The following NOP56 variants were observed in gnomAD, a reference collection of about 807,000 sequenced individuals.
NOP56 encodes the protein nucleolar protein 56.
A neutral mutation model predicts 58.3 loss-of-function variants in NOP56; 31 were observed. That is an observed-to-expected ratio of 0.53 (90% CI 0.40 to 0.72). The LOEUF (loss-of-function observed/expected upper bound fraction) is 0.72, where lower values mean the gene tolerates loss of function less well. Among genes scored for constraint, NOP56 ranks in the 30% least tolerant of loss-of-function variants. NOP56 has a pLI of 0.00. For missense variants in NOP56, 669 were observed against 739.9 expected, an observed-to-expected ratio of 0.90 and a Z score of 1.11; for synonymous variants, 313 against 282.8, an observed-to-expected ratio of 1.11 and a Z score of -1.07.
chr20:2,654,309 G>A (rs146023723), intron 3 of NOP56, 105 bp from the exon 4 acceptor site: 5 of 1,139,694 alleles, frequency 4.4e-6, no homozygotes. Context: ...AGGGATCTAG[G>A]TATGCCATCC....
intron 7 of NOP56, 59 bp downstream of exon 7, chr20:2,655,805 C>T (rs2086809228): frequency 6.2e-7 from 1 of 1,612,728 alleles, no homozygotes; most frequent in South Asian, 1.1e-5. Context: ...TGCACCTGCA[C>T]TGCTGTATTT....
chr20:2,652,744 T>TGGGCCTGGGCCC lies in NOP56; in HGVS notation c.4-87_4-86insCGGGCCTGGGCC, dbSNP rs1555779366. 2,748 of 1,522,296 alleles carry TGGGCCTGGGCCC rather than the reference T, an allele frequency of 1.8e-3. 40 individuals carry two copies. The African/African-American group carries it at 0.032, about 18-fold the overall frequency. The allele number at this position is 1,522,296 out of a possible 1,614,324, so 94.3% of individuals were successfully genotyped here. On this transcript the variant is annotated intron_variant, in intron 1 of 11. Coordinates refer to ENST00000329276, the MANE Select transcript of NOP56 (RefSeq NM_006392.4). ...TCGGGCCGCAGACAGGGCCTGGGCCTGGGCCTGGGCCTGCGCCTGCGCCTG... is the reference window on the plus strand; with the variant it reads ...TCGGGCCGCAGACAGGGCCTGGGCCTGGGCCTGGGCCCGGGCCTGGGCCTGCGCCTGCGCCTG...
chr20:2,658,286 G>A lies in NOP56; in HGVS notation c.1777G>A (p.Glu593Lys), dbSNP rs151092895. The change falls in exon 12 of 12, where the codon GAA becomes AAA. Residue 593 changes from glutamate (E) to lysine (K), a missense_variant. Transcript: ENST00000329276. ...KKKKFHKASQED is the reference protein window; with the variant it reads ...KKKKFHKASQKD Reference sequence around the variant, plus strand: ...GAAAAAGTTCCATAAAGCATCCCAGGAAGATTAGAATGCAAATGGACATTC... The same window carrying A: ...GAAAAAGTTCCATAAAGCATCCCAGAAAGATTAGAATGCAAATGGACATTC... The A allele has an allele frequency of 6.3e-7, 1 of 1,596,434 alleles. No individual in the cohort carries two copies. The highest frequency in any genetic ancestry group is 8.5e-7 in the Non-Finnish European group (1 of 1,171,514).
Position 2,658,211 on chromosome 20 carries a change from G to A in NOP56, c.1702G>A (p.Val568Ile). The A allele has an allele frequency of 1.3e-5, 21 of 1,605,278 alleles. No homozygotes were observed. The highest frequency in any genetic ancestry group is 1.8e-5 in the Non-Finnish European group (21 of 1,175,700). ...GAGGAAATTCTCCAAAGAGGAGCCG[G>A]TCAGCAGTGGGCCTGAAGAGGCGGT... The part of the protein sequence containing the change: ...KKRKFSKEEP[V>I]SSGPEEAVGK... Residue 568 changes from valine to isoleucine, a missense_variant, in exon 12 of 12, where the codon GTC becomes ATC. Physicochemically the swap from Val to Ile is conservative, Grantham distance 29. Around this residue, in one of 3 missense-constraint regions of NOP56, gnomAD observed 209 missense variants for 196.2 expected, o/e 1.07. Coordinates refer to ENST00000329276, the MANE Select transcript of NOP56 (RefSeq NM_006392.4).
chr20:2,656,121 C>G (rs1235550067), intron 8 of NOP56, 87 bp downstream of exon 8: 13 of 1,612,596 alleles, frequency 8.1e-6, no homozygotes, highest in Non-Finnish European at 1.1e-5. Flanking sequence ...CTGACCAGGG[C>G]TCCCTGACCT....
At position 2,654,849 on chromosome 20, in the gene NOP56, T is replaced by A. The variant is rs766501347; in HGVS notation, c.471T>A (p.Val157=). ...GACACAGCTATTCCCGTGCCAAAGTTAAGTTTAATGTGAACCGGGTGGACA... is the reference window on the plus strand; with the variant it reads ...GACACAGCTATTCCCGTGCCAAAGTAAAGTTTAATGTGAACCGGGTGGACA... ...GLGHSYSRAK[V]KFNVNRVDNM... is the part of the protein sequence containing the mutation. The change falls in exon 5 of 12, where the codon GTT becomes GTA. Residue 157 remains valine, a synonymous_variant. Transcript: ENST00000329276. 8 of 1,613,954 alleles carry A rather than the reference T, an allele frequency of 5.0e-6. No homozygotes were observed. The highest frequency in any genetic ancestry group is 1.3e-5 in the African/African-American group (1 of 74,852).
In NOP56 at chr20:2,656,914, G is replaced by A. The variant is rs1341494335; in HGVS notation, c.1281+19G>A. 6.2e-7 allele frequency: 1 copy of A among 1,614,092 alleles called. No individual in the cohort carries two copies. The highest frequency in any genetic ancestry group is 1.3e-5 in the African/African-American group (1 of 75,028). The stretch of plus-strand genomic sequence containing the variant: ...GGTTCAGGTCAGTTGGGCTTTGCTG[G>A]GTGTGGAGTGGCATAGCTAGCTGTT... On this transcript the variant is annotated intron_variant, in intron 10 of 11. Coordinates refer to ENST00000329276, the MANE Select transcript of NOP56 (RefSeq NM_006392.4).
At chr20:2,652,756 T>TGG (rs756532702) in intron 1 of NOP56, 86 bp from the exon 2 acceptor site, 251 of 508,904 alleles carry the variant, frequency 4.9e-4, no homozygotes, top group South Asian at 2.8e-3. Context: ...GGCCTGGGCC[T>TGG]GCGCCTGCGC....
intron 8 of NOP56, 182 bp from the exon 9 acceptor site, chr20:2,656,219 G>A (rs2086815195): frequency 3.7e-6 from 6 of 1,604,634 alleles, no homozygotes; most frequent in Non-Finnish European, 5.1e-6. Flanking sequence ...TTCCAGGTCA[G>A]CGACATTGGA....
In NOP56 at chr20:2,654,579, A is replaced by G. The variant is rs2086793113; in HGVS notation, c.370+4A>G. ...GTCATAGCTGAGATCCTGCGAGGTG[A>G]GACCATCATCTGTTATATTCCTGTT... On this transcript the variant is annotated splice_donor_region_variant and intron_variant, in intron 4 of 11. Transcript: ENST00000329276. 6.2e-7 allele frequency: 1 copy of G among 1,613,986 alleles called. No individual in the cohort carries two copies. The highest frequency in any genetic ancestry group is 1.3e-5 in the African/African-American group (1 of 74,932).
In NOP56 at chr20:2,654,669, C is replaced by A. The variant is rs1277630224; in HGVS notation, c.371-80C>A. ...TTGCTTGTTGTGATTTCTGGGAAGG[C>A]CTTCAGGCTGGGCTGGTGCCCGTGG... On this transcript the variant is annotated intron_variant, in intron 4 of 11. Coordinates refer to ENST00000329276, the MANE Select transcript of NOP56 (RefSeq NM_006392.4). 3 of 1,604,252 alleles carry A rather than the reference C, an allele frequency of 1.9e-6. No homozygotes were observed. The African/African-American group carries it at 4.0e-5, about 21-fold the overall frequency.
chr20:2,653,386 G>A lies in NOP56; in HGVS notation c.201G>A (p.Val67=). The part of the protein sequence containing the change: ...SQVALENANA[V]SEGVVHEDLR... Reference sequence around the variant, plus strand: ...TTGCCTTGGAAAATGCCAACGCCGTGTCTGAAGGTAAGTCGGCCACCGCCA... The same window carrying A: ...TTGCCTTGGAAAATGCCAACGCCGTATCTGAAGGTAAGTCGGCCACCGCCA... The change falls in exon 3 of 12, where the codon GTG becomes GTA. Residue 67 remains valine, a synonymous_variant. Coordinates refer to ENST00000329276, the MANE Select transcript of NOP56 (RefSeq NM_006392.4). 1 of 1,613,816 alleles carries A rather than the reference G, an allele frequency of 6.2e-7. No homozygotes were observed. The highest frequency in any genetic ancestry group is 1.3e-5 in the African/African-American group (1 of 75,044).
At chr20:2,652,686 G>T in intron 1 of NOP56, 23 bp downstream of exon 1, 2 of 1,387,196 alleles carry the variant, frequency 1.4e-6, no homozygotes, top group East Asian at 3.1e-5. Flanking sequence ...TGCGGGGCGC[G>T]GGCGACGCGA....
Position 2,652,942 on chromosome 20 carries a change from T to C in NOP56, c.93+11T>C. On this transcript the variant is annotated intron_variant, in intron 2 of 11. Transcript: ENST00000329276. Reference sequence around the variant, plus strand: ...CTGCTGCAGCCGCAGGTGGGTGAGATCCGTGGGCTCCTTTGGCGGCCCCGC... The same window carrying C: ...CTGCTGCAGCCGCAGGTGGGTGAGACCCGTGGGCTCCTTTGGCGGCCCCGC... 6.3e-7 allele frequency: 1 copy of C among 1,585,404 alleles called. No homozygotes were observed. The highest frequency in any genetic ancestry group is 8.6e-7 in the Non-Finnish European group (1 of 1,163,510).
chr20:2,656,073 T>C, intron 8 of NOP56, 39 bp downstream of exon 8: 1 of 1,613,958 alleles, frequency 6.2e-7, no homozygotes, highest in Non-Finnish European at 8.5e-7. Context: ...AGGTGCCACT[T>C]CTGGTGCCCA....
At chr20:2,654,229 G>C (rs550837953) in intron 3 of NOP56, 185 bp from the exon 4 acceptor site, 1 of 777,462 alleles carries the variant, frequency 1.3e-6, no homozygotes, top group Non-Finnish European at 2.3e-6. Context: ...GATGACTTGC[G>C]AATCAAATCT....
rs975960426 is a variant in NOP56, at chr20:2,655,867, G to C, written c.910-67G>C. On this transcript the variant is annotated intron_variant, in intron 7 of 11. Coordinates refer to ENST00000329276, the MANE Select transcript of NOP56 (RefSeq NM_006392.4). ...GTGCTTGATGGGGAGGTGGGGAGCA[G>C]GGCTGTCGTGCAACTGGGCAGGTCA... The C allele has an allele frequency of 2.0e-5, 32 of 1,610,510 alleles. No homozygotes were observed. In the Admixed American group the frequency reaches 5.0e-4, roughly 25 times the overall value.
chr20:2,656,291 G>A (rs1246856882), intron 8 of NOP56, 110 bp from the exon 9 acceptor site: 2 of 1,603,478 alleles, frequency 1.2e-6, no homozygotes, highest in African/African-American at 2.7e-5. Flanking sequence ...ATCCAATCTG[G>A]CCTGAGGCTC....
At position 2,654,553 on chromosome 20, in the gene NOP56, A is replaced by G; in HGVS notation, c.348A>G (p.Gly116=). The G allele has an allele frequency of 6.2e-7, 1 of 1,614,124 alleles. No homozygotes were observed. The highest frequency in any genetic ancestry group is 1.6e-4 in the Middle Eastern group (1 of 6,062). Reference sequence around the variant, plus strand: ...TAGGGTACAACTGCCAGACTGGAGGAGTCATAGCTGAGATCCTGCGAGGTG... The same window carrying G: ...TAGGGTACAACTGCCAGACTGGAGGGGTCATAGCTGAGATCCTGCGAGGTG... ...EELGYNCQTG[G]VIAEILRGVR... Residue 116 remains glycine (G), a synonymous_variant, in exon 4 of 12, where the codon GGA becomes GGG. Transcript: ENST00000329276.
Sources: gnomAD v4.1 joint callset for allele counts on GRCh38, gnomAD v4.1.1 for gene constraint, gnomAD v4.1.1 regional missense constraint, MANE v1.5 for transcripts, NCBI Gene and HGNC (gene_info 2026-07-23, HGNC 2026-07-21) for gene names.